Variants in SHANK2 observed in about 807,000 individuals in gnomAD.
SHANK2 encodes SH3 and multiple ankyrin repeat domains protein 2.
Under a neutral mutation model 133.7 loss-of-function variants are expected in SHANK2, and 43 were observed. The ratio of observed to expected loss-of-function variants is 0.32; its 90% confidence interval spans 0.25 to 0.41. SHANK2 has a LOEUF of 0.41. Among genes scored for constraint, SHANK2 ranks in the 10% least tolerant of loss-of-function variants. The pLI, the probability that SHANK2 is intolerant of heterozygous loss-of-function variation, is 1.00. For missense variants in SHANK2, 1,994 were observed against 2,235.8 expected (o/e 0.89, Z 2.18); for synonymous variants, 1,017 against 952.8 (o/e 1.07, Z -1.24).
At chr11:70,870,399 C>A (rs1354533612) in intron 11 of SHANK2, among the ~76,000 whole-genome samples, 2 of 152,088 alleles carry the variant, frequency 1.3e-5, no homozygotes, top group Non-Finnish European at 2.9e-5. Context: ...CAGGAAAGAT[C>A]TAGGAAGGTT....
Position 70,470,283 on chromosome 11 carries a change from G to C in SHANK2, c.*2586C>G, listed in dbSNP as rs1221615007. 1 of 152,444 alleles carries C rather than the reference G, an allele frequency of 6.6e-6. No homozygotes were observed. 9.4% of individuals were successfully genotyped at this position (152,444 alleles called of 1,614,324 possible). On this transcript the variant is annotated 3_prime_UTR_variant, in exon 26 of 26. Transcript: ENST00000601538. ...ATAAGACAGTGTAAAAATAAACTAT[G>C]TTATCAGCTCTTTAGTCTTGCAGCC...
intron 11 of SHANK2, among the ~76,000 whole-genome samples, chr11:70,881,950 G>A (rs375488658): frequency 3.4e-4 from 52 of 152,136 alleles, no homozygotes; most frequent in African/African-American, 1.2e-3. Context: ...GGCCTCAAAG[G>A]ATCCTCCCAG....
At position 71,134,372 on chromosome 11, in the gene SHANK2, T is replaced by C. The variant is rs117310246; in HGVS notation, c.207+12748A>G. Among the ~76,000 whole-genome samples the C allele has an allele frequency of 1.1e-3, 168 of 152,180 alleles. 2 individuals carry two copies. The East Asian group carries it at 0.026, about 23-fold the overall frequency. On this transcript the variant is annotated intron_variant, in intron 3 of 25. Coordinates refer to ENST00000601538, the MANE Select transcript of SHANK2 (RefSeq NM_012309.5). ...GGTGATGGGCTCACTCATCCGTGAA[T>C]TTCCTAAAATCCAACGACTTGCACA... is the stretch of plus-strand genomic sequence containing the variant.
intron 14 of SHANK2, among the ~76,000 whole-genome samples, chr11:70,790,322 C>A (rs1266154031): frequency 6.6e-6 from 1 of 152,188 alleles, no homozygotes; most frequent in African/African-American, 2.4e-5. Flanking sequence ...ACTGTCTCTC[C>A]ACCCAGGGTG....
At chr11:70,863,699 C>G (rs1182082494) in intron 11 of SHANK2, 1 of 421,238 alleles carries the variant, frequency 2.4e-6, no homozygotes, top group African/African-American at 2.0e-5. Context: ...ACTGGCACCC[C>G]GTTTCGGCCT....
intron 2 of SHANK2, among the ~76,000 whole-genome samples, chr11:71,161,706 A>G (rs1432798350): frequency 6.6e-6 from 1 of 152,198 alleles, no homozygotes; most frequent in East Asian, 1.9e-4. Context: ...GACTGAACCA[A>G]TGTACACCTT....
chr11:70,480,527 G>A (rs1339999199), intron 25 of SHANK2, among the ~76,000 whole-genome samples: 1 of 152,128 alleles, frequency 6.6e-6, no homozygotes, highest in Non-Finnish European at 1.5e-5. Flanking sequence ...GTCACAGTTT[G>A]GGTTTGTCTT....
chr11:70,756,627 G>A (rs1946879322), intron 14 of SHANK2, among the ~76,000 whole-genome samples: 1 of 152,168 alleles, frequency 6.6e-6, no homozygotes, highest in Admixed American at 6.5e-5. Flanking sequence ...GCATCATACT[G>A]GACCCTGCTT....
chr11:70,492,225 C>T (rs1306096204), intron 22 of SHANK2, 110 bp downstream of exon 22: 7 of 1,516,198 alleles, frequency 4.6e-6, no homozygotes, highest in Non-Finnish European at 6.3e-6. Context: ...CACCTCTGGA[C>T]AGCACGAACC....
chr11:71,205,261 G>A (rs1291638845), intron 2 of SHANK2, among the ~76,000 whole-genome samples: 3 of 152,118 alleles, frequency 2.0e-5, no homozygotes, highest in Non-Finnish European at 2.9e-5. Flanking sequence ...TCACCACCCC[G>A]CATCCAGCCC....
At chr11:70,577,244 A>G (rs781908585) in intron 17 of SHANK2, among the ~76,000 whole-genome samples, 5 of 152,208 alleles carry the variant, frequency 3.3e-5, no homozygotes, top group Admixed American at 2.0e-4. Flanking sequence ...AAAGCATGAT[A>G]AGGGATCATC....
rs568176708 is a variant in SHANK2, at chr11:71,231,172, A to C, written c.-112-6376T>G. Among the ~76,000 whole-genome samples, 11 of 152,362 alleles carry C rather than the reference A, an allele frequency of 7.2e-5. No individual in the cohort carries two copies. The East Asian group carries it at 1.9e-3, about 27-fold the overall frequency. Reference sequence around the variant, plus strand: ...AATGTCTGCAAACCACATATTTAACAAATAATTCGAAATAATATGTGTCTA... The same window carrying C: ...AATGTCTGCAAACCACATATTTAACCAATAATTCGAAATAATATGTGTCTA... On this transcript the variant is annotated intron_variant, in intron 1 of 25. Coordinates refer to ENST00000601538, the MANE Select transcript of SHANK2 (RefSeq NM_012309.5).
intron 10 of SHANK2, among the ~76,000 whole-genome samples, chr11:70,915,240 G>A (rs1950253733): frequency 6.6e-6 from 1 of 152,036 alleles, no homozygotes; most frequent in African/African-American, 2.4e-5. Context: ...GCTGCCACTG[G>A]GAATCTCATC....
At chr11:70,741,676 T>C (rs56386811) in intron 14 of SHANK2, among the ~76,000 whole-genome samples, 3 of 152,012 alleles carry the variant, frequency 2.0e-5, no homozygotes, top group East Asian at 3.9e-4. Flanking sequence ...TGCCTCACCA[T>C]AACTTAAGTG....
intron 10 of SHANK2, among the ~76,000 whole-genome samples, chr11:70,926,206 G>A (rs782629736): frequency 6.6e-5 from 10 of 152,136 alleles, no homozygotes; most frequent in South Asian, 4.1e-4. Flanking sequence ...TCAGGAGTTC[G>A]AGACCAGCCT....
intron 17 of SHANK2, among the ~76,000 whole-genome samples, chr11:70,568,648 C>A (rs1554982447): frequency 8.8e-6 from 1 of 113,990 alleles, no homozygotes; most frequent in African/African-American, 3.0e-5. Context: ...GGATTCCTGC[C>A]CCCCCCGCCC....
chr11:70,900,678 T>C (rs1161803778), intron 10 of SHANK2, among the ~76,000 whole-genome samples: 7 of 152,222 alleles, frequency 4.6e-5, no homozygotes, highest in Admixed American at 4.6e-4. Context: ...AAACATTTAC[T>C]TGTGATAATT....
At chr11:71,239,895 C>A (rs1555124158) in intron 1 of SHANK2, among the ~76,000 whole-genome samples, 1 of 152,178 alleles carries the variant, frequency 6.6e-6, no homozygotes, top group Non-Finnish European at 1.5e-5. Context: ...ACTAAGCCCA[C>A]CAGGCACAGG....
At chr11:70,508,888 CAAAAG>C (rs1554968863) in intron 17 of SHANK2, among the ~76,000 whole-genome samples, 1 of 152,090 alleles carries the variant, frequency 6.6e-6, no homozygotes, top group South Asian at 2.1e-4. Context: ...GACCCTGTCT[CAAAAG>C]AAAGAGAGTC....
Sources: gnomAD v4.1 joint callset for allele counts (sites outside exome capture counted in the v4.1 genomes callset) on GRCh38, gnomAD v4.1.1 for gene constraint, MANE v1.5 for transcripts, NCBI Gene and HGNC (gene_info 2026-07-23, HGNC 2026-07-21) for gene names.